CLXN: variants seen among roughly 807,000 people sequenced by gnomAD.
CLXN encodes calaxin, also known as EF-hand calcium binding domain 1.
the CLXN span, among the ~76,000 whole-genome samples, chr8:48,734,144 GC>G: frequency 6.6e-6 from 1 of 152,124 alleles, no homozygotes; most frequent in Admixed American, 6.5e-5. Flanking sequence ...TAATTAGAAT[GC>G]ACTAGATCTT....
the CLXN span, among the ~76,000 whole-genome samples, chr8:48,712,955 G>A: frequency 9.5e-5 from 14 of 147,656 alleles, no homozygotes; most frequent in African/African-American, 2.8e-4. Flanking sequence ...AGCCAAGACC[G>A]TGCCAGCTTG....
At chr8:48,724,732 A>G in the CLXN span, 4 of 1,603,708 alleles carry the variant, frequency 2.5e-6, no homozygotes, top group African/African-American at 1.3e-5. Context: ...CAATATAGAC[A>G]TTTAGTTATT....
chr8:48,729,425 A>C, the CLXN span, among the ~76,000 whole-genome samples: 1 of 151,838 alleles, frequency 6.6e-6, no homozygotes, highest in Non-Finnish European at 1.5e-5. Flanking sequence ...TGGGAGGCTG[A>C]GGCAGGAGAA....
At chr8:48,714,499 C>T in the CLXN span, among the ~76,000 whole-genome samples, 1 of 152,140 alleles carries the variant, frequency 6.6e-6, no homozygotes. Flanking sequence ...TTGTTGACAT[C>T]TTTTAGGTTT....
the CLXN span, chr8:48,716,589 A>C: frequency 6.6e-6 from 1 of 152,262 alleles, no homozygotes; most frequent in African/African-American, 2.4e-5. Context: ...CGTGAACAAA[A>C]CTAGAAGTTC....
the CLXN span, among the ~76,000 whole-genome samples, chr8:48,732,402 T>A: frequency 1.3e-5 from 2 of 152,016 alleles, no homozygotes; most frequent in African/African-American, 4.8e-5. Context: ...TCACACCTCA[T>A]CCTAGAGGTC....
the CLXN span, among the ~76,000 whole-genome samples, chr8:48,718,356 T>C: frequency 6.6e-6 from 1 of 152,210 alleles, no homozygotes; most frequent in East Asian, 1.9e-4. Flanking sequence ...AATAAATTTA[T>C]AGCAATACAG....
the CLXN span, chr8:48,724,878 T>C: frequency 8.2e-7 from 1 of 1,217,676 alleles, no homozygotes; most frequent in African/African-American, 1.5e-5. Context: ...TATGTCTCCT[T>C]AGTGTAGAGA....
At chr8:48,730,665 T>C in the CLXN span, 8 of 1,439,266 alleles carry the variant, frequency 5.6e-6, no homozygotes, top group Non-Finnish European at 7.8e-6. Flanking sequence ...AGAGGTTAAA[T>C]GGAACACCTG....
At chr8:48,723,127 C>T in the CLXN span, among the ~76,000 whole-genome samples, 1 of 152,120 alleles carries the variant, frequency 6.6e-6, no homozygotes, top group Non-Finnish European at 1.5e-5. Flanking sequence ...GAAATTTGCT[C>T]TAAAGGTGGC....
At chr8:48,729,001 A>T in the CLXN span, 1 of 1,487,236 alleles carries the variant, frequency 6.7e-7, no homozygotes, top group Non-Finnish European at 9.2e-7. Flanking sequence ...GTTGTTCTAC[A>T]TTCTACTTTG....
chr8:48,731,562 A>T, the CLXN span: 1 of 1,429,382 alleles, frequency 7.0e-7, no homozygotes, highest in Non-Finnish European at 9.3e-7. Flanking sequence ...TTCTAACTTA[A>T]ATTTTGCAAT....
chr8:48,720,889 CTCTT>C, the CLXN span, among the ~76,000 whole-genome samples: 1 of 152,180 alleles, frequency 6.6e-6, no homozygotes, highest in Non-Finnish European at 1.5e-5. Context: ...TGTGCTGTCT[CTCTT>C]TATTTCTCAG....
chr8:48,731,282 G>A, the CLXN span: 15 of 1,473,392 alleles, frequency 1.0e-5, no homozygotes, highest in Non-Finnish European at 1.4e-5. Context: ...GGATGTCCAA[G>A]CACCAAACCC....
At chr8:48,733,276 T>G in the CLXN span, among the ~76,000 whole-genome samples, 1 of 152,150 alleles carries the variant, frequency 6.6e-6, no homozygotes, top group Non-Finnish European at 1.5e-5. Flanking sequence ...TAAAAATTTT[T>G]AAAAACTAGT....
the CLXN span, among the ~76,000 whole-genome samples, chr8:48,717,160 T>C: frequency 6.6e-6 from 1 of 152,086 alleles, no homozygotes; most frequent in Non-Finnish European, 1.5e-5. Flanking sequence ...AGTGAAACTA[T>C]GTCTAAAAAA....
chr8:48,728,529 T>C, the CLXN span, among the ~76,000 whole-genome samples: 1 of 152,100 alleles, frequency 6.6e-6, no homozygotes, highest in Non-Finnish European at 1.5e-5. Context: ...CACTAATAAG[T>C]GAGTAAACTT....
chr8:48,729,788 T>G, the CLXN span: 2 of 1,613,520 alleles, frequency 1.2e-6, no homozygotes, highest in Non-Finnish European at 1.7e-6. Context: ...GATGGCTGTT[T>G]GAGAAGGCTG....
chr8:48,726,534 CATCT>C, the CLXN span, among the ~76,000 whole-genome samples: 2 of 147,832 alleles, frequency 1.4e-5, no homozygotes, highest in Admixed American at 1.3e-4. Flanking sequence ...TCCATCCACC[CATCT>C]ATCCATCCAT....
Sources: allele counts gnomAD v4.1 joint callset (sites outside exome capture counted in the v4.1 genomes callset), GRCh38; gene constraint gnomAD v4.1.1; transcripts MANE v1.5; gene names NCBI Gene and HGNC (gene_info 2026-07-23, HGNC 2026-07-21).